AKAP13: variants seen among roughly 807,000 people sequenced by gnomAD.
AKAP13 encodes A-kinase anchoring protein 13.
AKAP13 carries 80 observed loss-of-function variants against 264.5 expected under a neutral mutation model. That is an observed-to-expected ratio of 0.30 (90% CI 0.25 to 0.36). The LOEUF (loss-of-function observed/expected upper bound fraction) is 0.36. Among genes scored for constraint, AKAP13 ranks in the 10% least tolerant of loss-of-function variants. The probability of loss-of-function intolerance (pLI) is 1.00; values close to 1 mark genes in which losing one functional copy is unlikely to be tolerated. For synonymous variants in AKAP13, 1,380 were observed against 1,250.2 expected, an observed-to-expected ratio of 1.10 and a Z score of -2.19; for missense variants, 3,712 against 3,435.2, an observed-to-expected ratio of 1.08 and a Z score of -2.01.
chr15:85,735,639 C>A lies in AKAP13; in HGVS notation c.7512+9C>A. The A allele has an allele frequency of 1.9e-6, 3 of 1,609,114 alleles. No individual in the cohort carries two copies. Among genetic ancestry groups the A allele is most frequent in the South Asian group, 1.1e-5 (1 of 89,424 alleles). ...ATAGTGGCCTAAAAAAGGTATTTCT[C>A]TTTAAAATACACCATGAACCTCCTT... On this transcript the variant is annotated intron_variant, in intron 32 of 36. Transcript: ENST00000394518.
Position 85,655,663 on chromosome 15 carries a change from A to G in AKAP13, c.4621A>G (p.Ile1541Val). Residue 1541 changes from isoleucine to valine, a missense_variant, in exon 11 of 37, where the codon ATC becomes GTC. Physicochemically the swap from Ile to Val is conservative, Grantham distance 29. Transcript: ENST00000394518. The part of the protein sequence containing the change: ...GDVEEEEMDS[I>V]TEVPANCSVL... ...CGTGGAGGAGGAGGAGATGGACAGT[A>G]TCACTGAAGTGCCTGCAAACTGCTC... 6.2e-7 allele frequency: 1 copy of G among 1,614,238 alleles called. No individual in the cohort carries two copies.
At chr15:85,439,720 A>G (rs1164198340) in intron 1 of AKAP13, among the ~76,000 whole-genome samples, 2 of 145,692 alleles carry the variant, frequency 1.4e-5, no homozygotes, top group Non-Finnish European at 3.0e-5. Context: ...TATCGCAAGA[A>G]CAAAAAACCA....
intron 5 of AKAP13, among the ~76,000 whole-genome samples, chr15:85,570,804 G>T (rs1006388147): frequency 6.6e-6 from 1 of 152,164 alleles, no homozygotes; most frequent in African/African-American, 2.4e-5. Context: ...AGTGGGGAAG[G>T]AGCTAGTCCA....
rs117228332 is a variant in AKAP13 at position 85,624,962 on chromosome 15, A to G, written c.4162-14412A>G. Among the ~76,000 whole-genome samples, 27 of 152,340 alleles carry G rather than the reference A, an allele frequency of 1.8e-4. No homozygotes were observed. The East Asian group carries it at 4.4e-3, about 25-fold the overall frequency. ...CATTATCCCATATTTCATGTGCACCATAATTCACCAGAAGTTTGGATGTTG... is the reference window on the plus strand; with the variant it reads ...CATTATCCCATATTTCATGTGCACCGTAATTCACCAGAAGTTTGGATGTTG... On this transcript the variant is annotated intron_variant, in intron 8 of 36. Coordinates refer to ENST00000394518, the MANE Select transcript of AKAP13 (RefSeq NM_007200.5).
intron 2 of AKAP13, among the ~76,000 whole-genome samples, chr15:85,508,445 G>T (rs1448187174): frequency 7.0e-6 from 1 of 143,188 alleles, no homozygotes; most frequent in Non-Finnish European, 1.6e-5. Flanking sequence ...GCCTGGCCTT[G>T]TGTAGATTTT....
chr15:85,405,570 C>T (rs2071622267), intron 1 of AKAP13, among the ~76,000 whole-genome samples: 1 of 152,116 alleles, frequency 6.6e-6, no homozygotes, highest in Non-Finnish European at 1.5e-5. Context: ...TTGCCTTATT[C>T]ACTAACCTGT....
chr15:85,693,535 T>C (rs781693874), intron 17 of AKAP13, 84 bp downstream of exon 17: 3 of 1,564,418 alleles, frequency 1.9e-6, no homozygotes, highest in South Asian at 2.5e-5. Flanking sequence ...CCCCACTCAT[T>C]ATCTGTTCCT....
intron 1 of AKAP13, among the ~76,000 whole-genome samples, chr15:85,419,269 A>G (rs2072399011): frequency 6.6e-6 from 1 of 152,220 alleles, no homozygotes; most frequent in South Asian, 2.1e-4. Flanking sequence ...AGATTTAATT[A>G]TGGCAGCCTC....
chr15:85,626,148 A>G (rs557165466), intron 8 of AKAP13, among the ~76,000 whole-genome samples: 7 of 152,340 alleles, frequency 4.6e-5, no homozygotes, highest in Admixed American at 4.6e-4. Context: ...TGTCTGGCCC[A>G]GATTACTGGC....
At chr15:85,735,521 A>G (rs1221026625) in intron 31 of AKAP13, 39 bp from the exon 32 acceptor site, 5 of 1,581,804 alleles carry the variant, frequency 3.2e-6, no homozygotes, top group Non-Finnish European at 4.3e-6. Flanking sequence ...AATCTGTTTC[A>G]CAACTTTAAA....
At chr15:85,606,016 G>C (rs571493966) in intron 8 of AKAP13, among the ~76,000 whole-genome samples, 11 of 148,436 alleles carry the variant, frequency 7.4e-5, no homozygotes, top group Non-Finnish European at 1.5e-4. Context: ...CTGTGTGTCA[G>C]ATATTTGTGG....
chr15:85,382,106 A>C (rs2070310275), intron 1 of AKAP13: 1 of 152,258 alleles, frequency 6.6e-6, no homozygotes, highest in South Asian at 2.1e-4. Context: ...TTATATGAAC[A>C]TGATTCTGTT....
chr15:85,635,828 A>G (rs1276047636), intron 8 of AKAP13, among the ~76,000 whole-genome samples: 2 of 152,140 alleles, frequency 1.3e-5, no homozygotes, highest in African/African-American at 2.4e-5. Flanking sequence ...TCATAAGACT[A>G]TTTGTTCCTC....
intron 1 of AKAP13, among the ~76,000 whole-genome samples, chr15:85,446,548 CT>C (rs1220410497): frequency 1.3e-5 from 2 of 152,114 alleles, no homozygotes; most frequent in Non-Finnish European, 1.5e-5. Flanking sequence ...GGGCTAGAGA[CT>C]CAAAGTTGAG....
intron 3 of AKAP13, among the ~76,000 whole-genome samples, chr15:85,532,144 G>A (rs544965808): frequency 1.3e-5 from 2 of 152,328 alleles, no homozygotes; most frequent in East Asian, 3.9e-4. Flanking sequence ...TGCCTGGCGT[G>A]TGCTAGGTAC....
chr15:85,434,496 G>C (rs992038041), intron 1 of AKAP13, among the ~76,000 whole-genome samples: 2 of 152,214 alleles, frequency 1.3e-5, no homozygotes, highest in African/African-American at 4.8e-5. Context: ...GCCTGCCTCT[G>C]TAGGCTCCAC....
intron 3 of AKAP13, among the ~76,000 whole-genome samples, chr15:85,524,575 T>C (rs2151165672): frequency 6.6e-6 from 1 of 152,278 alleles, no homozygotes; most frequent in East Asian, 1.9e-4. Flanking sequence ...GTGTGTTTTG[T>C]AACATTTTAG....
chr15:85,457,802 G>A (rs1020617100), intron 1 of AKAP13, among the ~76,000 whole-genome samples: 1 of 152,160 alleles, frequency 6.6e-6, no homozygotes, highest in Non-Finnish European at 1.5e-5. Flanking sequence ...TTGAATGTTT[G>A]CTCCGTAGAA....
chr15:85,621,818 C>T lies in AKAP13; in HGVS notation c.4162-17556C>T, dbSNP rs148103551. Among the ~76,000 whole-genome samples, 957 of 152,208 alleles carry T rather than the reference C, an allele frequency of 6.3e-3. 11 individuals are homozygous for T. The highest frequency in any genetic ancestry group is 0.022 in the African/African-American group (898 of 41,526). ...TAAGGGGTATGAAGAATTTGAGTGA[C>T]AAGAATGTGGTTTTTTGTTTTTTTG... On this transcript the variant is annotated intron_variant, in intron 8 of 36. Coordinates refer to ENST00000394518, the MANE Select transcript of AKAP13 (RefSeq NM_007200.5).
Sources: allele counts gnomAD v4.1 joint callset (sites outside exome capture counted in the v4.1 genomes callset), GRCh38; gene constraint gnomAD v4.1.1; transcripts MANE v1.5; gene names NCBI Gene and HGNC (gene_info 2026-07-23, HGNC 2026-07-21).